Variants in XCL1 observed in about 807,000 individuals in gnomAD.
The protein encoded by XCL1 is X-C motif chemokine ligand 1.
A neutral mutation model predicts 7.4 loss-of-function variants in XCL1; 6 were observed. That is an observed-to-expected ratio of 0.82 (90% CI 0.45 to 1.61). XCL1 has a LOEUF of 1.61. XCL1 is among the 40% of genes most tolerant of loss of function. The pLI is 0.01. For missense variants in XCL1, 122 were observed against 138.2 expected (o/e 0.88, Z 0.59); for synonymous variants, 48 against 52.4 (o/e 0.92, Z 0.36).
chr1:168,580,978 G>A, intron 2 of XCL1, 74 bp from the exon 3 acceptor site: 1 of 1,567,144 alleles, frequency 6.4e-7, no homozygotes, highest in East Asian at 2.3e-5. Context: ...CTTCATGTCT[G>A]CCCTGATCTT....
In XCL1 at chr1:168,581,207, C is replaced by T; in HGVS notation, c.332C>T (p.Thr111Ile). 1 of 1,613,692 alleles carries T rather than the reference C, an allele frequency of 6.2e-7. No homozygotes were observed. Among genetic ancestry groups the T allele is most frequent in the South Asian group, 1.1e-5 (1 of 91,060 alleles). ...CAGCAATCGACCAATACAGCTGTGA[C>T]TCTGACTGGCTAGTAGTCTCTGGCA... ...GTQQSTNTAVTLTG is the reference protein window; with the variant it reads ...GTQQSTNTAVILTG Residue 111 changes from threonine (T) to isoleucine (I), a missense_variant, in exon 3 of 3, where the codon ACT becomes ATT. Thr to Ile is a moderately conservative substitution (Grantham distance 89). Coordinates refer to ENST00000367818, the MANE Select transcript of XCL1 (RefSeq NM_002995.3).
At chr1:168,578,712 A>T in intron 1 of XCL1, 1 of 338,710 alleles carries the variant, frequency 3.0e-6, no homozygotes, top group Non-Finnish European at 5.6e-6. Flanking sequence ...ATTGTGAGCC[A>T]CAGATTTTGG....
At chr1:168,578,568 A>G (rs2101836010) in intron 1 of XCL1, 1 of 198,088 alleles carries the variant, frequency 5.0e-6, no homozygotes, top group South Asian at 9.6e-5. Context: ...ACTTCCTTTT[A>G]TATATATCTT....
chr1:168,576,881 G>A (rs1405755349), intron 1 of XCL1, among the ~76,000 whole-genome samples, 183 bp downstream of exon 1: 1 of 152,184 alleles, frequency 6.6e-6, no homozygotes, highest in African/African-American at 2.4e-5. Flanking sequence ...TTCCAAAACA[G>A]GGAGAATTTG....
intron 2 of XCL1, 129 bp from the exon 3 acceptor site, chr1:168,580,923 T>C: frequency 7.6e-7 from 1 of 1,317,482 alleles, no homozygotes; most frequent in Non-Finnish European, 1.0e-6. Flanking sequence ...TATGATCTCA[T>C]GGCTCTGAAA....
In XCL1 at chr1:168,580,170, G is replaced by A. The variant is rs775603527; in HGVS notation, c.169G>A (p.Ala57Thr). 1 of 1,613,728 alleles carries A rather than the reference G, an allele frequency of 6.2e-7. No homozygotes were observed. Among genetic ancestry groups the A allele is most frequent in the Non-Finnish European group, 8.5e-7 (1 of 1,179,746 alleles). ...TYTITEGSLR[A>T]VIFITKRGLK... ...CACCATCACGGAAGGCTCCTTGAGA[G>A]CAGTAATGTGAGTCTGCCTCCTCAG... Residue 57 changes from alanine to threonine, a missense_variant, in exon 2 of 3, where the codon GCA (alanine) becomes ACA (threonine). Coordinates refer to ENST00000367818, the MANE Select transcript of XCL1 (RefSeq NM_002995.3).
chr1:168,577,528 GGA>G (rs1655051047), intron 1 of XCL1, among the ~76,000 whole-genome samples: 1 of 152,080 alleles, frequency 6.6e-6, no homozygotes, highest in Non-Finnish European at 1.5e-5. Flanking sequence ...TCCTATGACT[GGA>G]GTGAATCTGT....
At chr1:168,579,768 C>CG (rs1487016702) in intron 1 of XCL1, among the ~76,000 whole-genome samples, 1 of 152,018 alleles carries the variant, frequency 6.6e-6, no homozygotes. Context: ...ATTTGCTAGC[C>CG]GTCCCAAATG....
At chr1:168,580,985 T>C in intron 2 of XCL1, 67 bp from the exon 3 acceptor site, 5 of 1,580,712 alleles carry the variant, frequency 3.2e-6, no homozygotes, top group Non-Finnish European at 4.3e-6. Flanking sequence ...TCTGCCCTGA[T>C]CTTAACTCCT....
rs774641254 is a variant in XCL1 at position 168,580,104 on chromosome 1, C to T, written c.103C>T (p.Leu35Phe). The T allele has an allele frequency of 1.9e-6, 3 of 1,613,778 alleles. No homozygotes were observed. The highest frequency in any genetic ancestry group is 2.2e-5 in the East Asian group (1 of 44,890). ...EVSDKRTCVS[L>F]TTQRLPVSRI... ...CTCAGATAAGAGGACCTGTGTGAGC[C>T]TCACTACCCAGCGACTGCCGGTTAG... Residue 35 changes from leucine to phenylalanine, a missense_variant, in exon 2 of 3, where the codon CTC becomes TTC. Coordinates refer to ENST00000367818, the MANE Select transcript of XCL1 (RefSeq NM_002995.3).
At chr1:168,577,813 T>C (rs538871574) in intron 1 of XCL1, among the ~76,000 whole-genome samples, 1 of 152,316 alleles carries the variant, frequency 6.6e-6, no homozygotes, top group African/African-American at 2.4e-5. Flanking sequence ...TGTTAGAGGC[T>C]GAGAAGAACT....
chr1:168,578,728 G>T, intron 1 of XCL1: 1 of 373,790 alleles, frequency 2.7e-6, no homozygotes, highest in Non-Finnish European at 5.1e-6. Context: ...TTTGGACTCG[G>T]GACATTGCAG....
intron 1 of XCL1, 96 bp downstream of exon 1, chr1:168,576,794 G>A (rs1009492738): frequency 1.3e-6 from 2 of 1,560,820 alleles, no homozygotes; most frequent in Admixed American, 1.7e-5. Flanking sequence ...GGACTAACCT[G>A]CTTTCCCCAG....
At chr1:168,579,956 G>A (rs558525186) in intron 1 of XCL1, 107 bp from the exon 2 acceptor site, 3 of 1,154,654 alleles carry the variant, frequency 2.6e-6, no homozygotes, top group South Asian at 3.8e-5. Context: ...AAAGCAAATG[G>A]CCTTAAATTC....
chr1:168,578,920 G>A (rs1232218939), intron 1 of XCL1: 1 of 371,350 alleles, frequency 2.7e-6, no homozygotes, highest in Non-Finnish European at 5.2e-6. Flanking sequence ...TTAGGACACA[G>A]GACAGACAGA....
intron 1 of XCL1, chr1:168,579,464 C>T (rs1366382304): frequency 1.1e-5 from 2 of 182,678 alleles, no homozygotes; most frequent in Non-Finnish European, 2.3e-5. Flanking sequence ...CAGAGAGAGA[C>T]ATTTGACCAT....
At chr1:168,580,899 G>A (rs148262095) in intron 2 of XCL1, among the ~76,000 whole-genome samples, 153 bp from the exon 3 acceptor site, 35 of 152,304 alleles carry the variant, frequency 2.3e-4, no homozygotes, top group Middle Eastern at 3.4e-3. Context: ...GATGGCAGAA[G>A]AAGGGTACTC....
At position 168,581,015 on chromosome 1, in the gene XCL1, T is replaced by A. The variant is rs41271657; in HGVS notation, c.177-37T>A. 4.4e-6 allele frequency: 7 copies of A among 1,605,798 alleles called. No homozygotes were observed. In the South Asian group the frequency reaches 5.5e-5, roughly 13 times the overall value. On this transcript the variant is annotated intron_variant, in intron 2 of 2. Transcript: ENST00000367818. The stretch of plus-strand genomic sequence containing the variant: ...ACTCCTGACCCTGAGGCTTTGAGAA[T>A]GTGGCTAACTTCGTCTGTCTTTTCC...
chr1:168,580,529 A>G (rs996046955), intron 2 of XCL1, among the ~76,000 whole-genome samples: 15 of 152,106 alleles, frequency 9.9e-5, no homozygotes, highest in African/African-American at 3.6e-4. Context: ...CTTAGGGTTG[A>G]GTCAGGCAGA....
Sources: gnomAD v4.1 joint callset for allele counts (sites outside exome capture counted in the v4.1 genomes callset) on GRCh38, gnomAD v4.1.1 for gene constraint, MANE v1.5 for transcripts, NCBI Gene and HGNC (gene_info 2026-07-23, HGNC 2026-07-21) for gene names.